The following PCDHA13 variants were observed in gnomAD, a reference collection of about 807,000 sequenced individuals.
PCDHA13 encodes protocadherin alpha 13.
In PCDHA13, 54 loss-of-function variants were observed where a neutral mutation model predicts 64.8. The ratio of observed to expected loss-of-function variants is 0.83; its 90% CI spans 0.67 to 1.04. PCDHA13 has a LOEUF of 1.04. Among genes scored for constraint, PCDHA13 ranks in the 50% least tolerant of loss-of-function variants. The pLI is 0.00. For missense variants in PCDHA13, 1,248 were observed against 1,254.3 expected (o/e 0.99, Z 0.08); for synonymous variants, 587 against 564.4 (o/e 1.04, Z -0.57).
chr5:140,981,895 G>A (rs2153826767), intron 2 of PCDHA13, among the ~76,000 whole-genome samples: 1 of 152,252 alleles, frequency 6.6e-6, no homozygotes, highest in East Asian at 1.9e-4. Flanking sequence ...TCTGAGCGGG[G>A]ATCTGTGAGT....
chr5:140,940,509 C>T lies in PCDHA13; in HGVS notation c.2395-38440C>T, dbSNP rs556405860. ...GACAAGTCTTGCTCCGTCGCTCAGG[C>T]GTGATCATAGCTCACTGCAATCTTG... On this transcript the variant is annotated intron_variant, in intron 1 of 3. Coordinates refer to ENST00000289272, the MANE Select transcript of PCDHA13 (RefSeq NM_018904.3). 2.0e-5 allele frequency among the ~76,000 whole-genome samples: 3 copies of T among 152,086 alleles called. No individual in the cohort carries two copies. In the South Asian group the frequency reaches 6.2e-4, roughly 32 times the overall value.
At chr5:140,968,560 C>T (rs782202250) in intron 1 of PCDHA13, 2 of 1,614,154 alleles carry the variant, frequency 1.2e-6, no homozygotes, top group Admixed American at 1.7e-5. Context: ...CTCGAACTGC[C>T]CCTGCTGGCT....
intron 1 of PCDHA13, among the ~76,000 whole-genome samples, chr5:140,971,278 ATATTAATATG>A (rs1408088373): frequency 6.6e-6 from 1 of 152,208 alleles, no homozygotes; most frequent in African/African-American, 2.4e-5. Context: ...ACTGACCTGT[ATATTAATATG>A]TACTTTGGTA....
chr5:140,898,843 C>G (rs1449030828), intron 1 of PCDHA13, among the ~76,000 whole-genome samples: 17 of 152,100 alleles, frequency 1.1e-4, no homozygotes, highest in Non-Finnish European at 1.3e-4. Context: ...TCTTCCATTT[C>G]TTTGTATCCT....
chr5:140,970,776 A>G lies in PCDHA13; in HGVS notation c.2395-8173A>G, dbSNP rs1338334067. Among the ~76,000 whole-genome samples the G allele has an allele frequency of 1.3e-5, 2 of 152,212 alleles. 1 individual carries two copies. The highest frequency in any genetic ancestry group is 4.8e-5 in the African/African-American group (2 of 41,458). On this transcript the variant is annotated intron_variant, in intron 1 of 3. Coordinates refer to ENST00000289272, the MANE Select transcript of PCDHA13 (RefSeq NM_018904.3). Reference sequence around the variant, plus strand: ...TTCATTGACATATTGCTGTACATACATATTGTATGTAATATCCATATTGTT... The same window carrying G: ...TTCATTGACATATTGCTGTACATACGTATTGTATGTAATATCCATATTGTT...
intron 1 of PCDHA13, among the ~76,000 whole-genome samples, chr5:140,902,203 C>CTTTTTTTTTT (rs148688132): frequency 8.0e-6 from 1 of 124,460 alleles, no homozygotes; most frequent in Non-Finnish European, 1.7e-5. Flanking sequence ...CTCTCTCTTT[C>CTTTTTTTTTT]TTTTTTTTTT....
At chr5:140,915,137 C>T (rs2076999053) in intron 1 of PCDHA13, among the ~76,000 whole-genome samples, 3 of 151,800 alleles carry the variant, frequency 2.0e-5, no homozygotes, top group South Asian at 2.1e-4. Context: ...TTAGTAGAGA[C>T]GGGGTTTCAC....
chr5:140,947,987 C>G (rs1554218389), intron 1 of PCDHA13, among the ~76,000 whole-genome samples: 1 of 144,778 alleles, frequency 6.9e-6, no homozygotes, highest in African/African-American at 2.6e-5. Context: ...AGGTTTTTCC[C>G]AAATACTTTA....
Position 140,883,678 on chromosome 5 carries a change from G to C in PCDHA13, c.1410G>C (p.Pro470=). The C allele has an allele frequency of 1.2e-6, 2 of 1,613,902 alleles. No homozygotes were observed. Among genetic ancestry groups the C allele is most frequent in the Non-Finnish European group, 1.7e-6 (2 of 1,179,900 alleles). ...TGTTCGTGAAGGAAAACAATCCGCC[G>C]GGCTGCCACATCTTCACGGTGTCTG... ...YTVFVKENNP[P]GCHIFTVSAQ... is the part of the protein sequence containing the mutation. Residue 470 remains proline, a synonymous_variant, in exon 1 of 4, where the codon CCG becomes CCC. Coordinates refer to ENST00000289272, the MANE Select transcript of PCDHA13 (RefSeq NM_018904.3).
intron 1 of PCDHA13, among the ~76,000 whole-genome samples, chr5:140,934,224 AT>A: frequency 6.6e-6 from 1 of 152,246 alleles, no homozygotes. Context: ...TGTTTAAAAG[AT>A]TTGTACTTAA....
intron 1 of PCDHA13, among the ~76,000 whole-genome samples, chr5:140,947,906 A>G (rs2153681662): frequency 6.6e-6 from 1 of 151,710 alleles, no homozygotes; most frequent in South Asian, 2.1e-4. Flanking sequence ...GTGAGAGCAG[A>G]CATTCTTGCC....
At chr5:140,927,592 G>A in intron 1 of PCDHA13, 5 of 1,614,170 alleles carry the variant, frequency 3.1e-6, no homozygotes, top group Non-Finnish European at 4.2e-6. Context: ...GCCTGTATTT[G>A]AGCGCTCCGT....
At chr5:140,956,594 T>C (rs2095295015) in intron 1 of PCDHA13, among the ~76,000 whole-genome samples, 1 of 152,210 alleles carries the variant, frequency 6.6e-6, no homozygotes, top group Non-Finnish European at 1.5e-5. Flanking sequence ...TTATCAGGGA[T>C]ATCAGCTGGA....
In PCDHA13 at chr5:140,964,303, C is replaced by T. The variant is rs947126454; in HGVS notation, c.2395-14646C>T. Among the ~76,000 whole-genome samples the T allele has an allele frequency of 9.2e-5, 14 of 152,208 alleles. 1 individual carries two copies. Among genetic ancestry groups the T allele is most frequent in the Non-Finnish European group, 2.9e-5 (2 of 68,038 alleles). On this transcript the variant is annotated intron_variant, in intron 1 of 3. Coordinates refer to ENST00000289272, the MANE Select transcript of PCDHA13 (RefSeq NM_018904.3). ...AATTCTAGCTGGAGCTAAATACCTA[C>T]AAGGCCTAAAACAGCATAATGGACA... is the stretch of plus-strand genomic sequence containing the variant.
At chr5:140,893,879 G>A (rs747246517) in intron 1 of PCDHA13, among the ~76,000 whole-genome samples, 26 of 152,060 alleles carry the variant, frequency 1.7e-4, no homozygotes, top group Admixed American at 4.6e-4. Flanking sequence ...GATCCAAAGT[G>A]GCCAGAAAGT....
chr5:140,927,526 G>A, intron 1 of PCDHA13: 1 of 1,614,086 alleles, frequency 6.2e-7, no homozygotes, highest in South Asian at 1.1e-5. Flanking sequence ...CGGGCTACCT[G>A]CCCGCTCAGG....
chr5:140,967,112 C>T (rs1338076103), intron 1 of PCDHA13: 4 of 1,612,876 alleles, frequency 2.5e-6, no homozygotes, highest in East Asian at 2.2e-5. Flanking sequence ...GCAGCGGCCT[C>T]GCTGCCTGCT....
At chr5:140,920,662 G>A (rs2079759376) in intron 1 of PCDHA13, among the ~76,000 whole-genome samples, 1 of 152,044 alleles carries the variant, frequency 6.6e-6, no homozygotes, top group Admixed American at 6.6e-5. Context: ...TTGCCAACAT[G>A]GTGAAACCCC....
intron 1 of PCDHA13, among the ~76,000 whole-genome samples, chr5:140,888,308 G>A (rs1383199158): frequency 1.3e-5 from 2 of 152,106 alleles, no homozygotes; most frequent in Non-Finnish European, 2.9e-5. Flanking sequence ...AGATAATTTG[G>A]CAATGCCTGG....
Sources: allele counts gnomAD v4.1 joint callset (sites outside exome capture counted in the v4.1 genomes callset), GRCh38; gene constraint gnomAD v4.1.1; transcripts MANE v1.5; gene names NCBI Gene and HGNC (gene_info 2026-07-23, HGNC 2026-07-21).